The following AMOTL2 variants were observed in gnomAD, a reference collection of about 807,000 sequenced individuals.
The protein encoded by AMOTL2 is angiomotin-like protein 2.
AMOTL2 carries 33 observed loss-of-function variants against 78.4 expected under a neutral mutation model. The observed-to-expected ratio is 0.42, with a 90% CI of 0.32 to 0.56. AMOTL2 has a LOEUF of 0.56. Among genes scored for constraint, AMOTL2 ranks in the 20% least tolerant of loss-of-function variants. The probability of loss-of-function intolerance (pLI) is 0.12; values close to 1 mark genes in which losing one functional copy is unlikely to be tolerated. For synonymous variants in AMOTL2, 422 were observed against 428.8 expected, an observed-to-expected ratio of 0.98 and a Z score of 0.20; for missense variants, 983 against 1,030.1, an observed-to-expected ratio of 0.95 and a Z score of 0.63.
rs372900931 is a variant in AMOTL2, at chr3:134,359,304, C to A, written c.2083G>T (p.Ala695Ser). The change falls in exon 8 of 10, where the codon GCC becomes TCC. Residue 695 changes from alanine to serine, a missense_variant. By Grantham distance (99) the Ala-to-Ser change is moderately conservative. Transcript: ENST00000249883. ...TTACCTGTAGTCAGCCGAGCAGGGG[C>A]GTCTGCTGTTTGTCGCTCACTAGAA... ...LSSSERQTADAPARLTTADRA... is the reference protein window; with the variant it reads ...LSSSERQTADSPARLTTADRA... The A allele has an allele frequency of 1.2e-6, 2 of 1,614,188 alleles. No individual in the cohort carries two copies. Among genetic ancestry groups the A allele is most frequent in the Middle Eastern group, 1.7e-4 (1 of 6,060 alleles).
At chr3:134,373,980 T>C (rs746611345) in intron 1 of AMOTL2, 3 of 396,724 alleles carry the variant, frequency 7.6e-6, no homozygotes, top group African/African-American at 4.4e-5. Flanking sequence ...CGCAGGACCC[T>C]GCAACTTGAG....
chr3:134,364,207 C>T (rs530554681), intron 5 of AMOTL2, among the ~76,000 whole-genome samples: 17 of 151,674 alleles, frequency 1.1e-4, no homozygotes, highest in South Asian at 2.1e-4. Context: ...CGGGAGGGAG[C>T]GGCGGGGGGC....
In AMOTL2 at chr3:134,368,271, G is replaced by A. The variant is rs2017697383; in HGVS notation, c.735-468C>T. Among the ~76,000 whole-genome samples, 3 of 152,152 alleles carry A rather than the reference G, an allele frequency of 2.0e-5. No individual in the cohort carries two copies. In the South Asian group the frequency reaches 6.2e-4, roughly 32 times the overall value. On this transcript the variant is annotated intron_variant, in intron 2 of 9. Transcript: ENST00000249883. ...CCTTCCAGGCCCCAGGACAACTTTG[G>A]TGGCTGGGCCCCAGCAGCAACCTTG...
Position 134,371,438 on chromosome 3 carries a change from C to G in AMOTL2, c.-5G>C. The G allele has an allele frequency of 6.2e-7, 1 of 1,600,830 alleles. No individual in the cohort carries two copies. The highest frequency in any genetic ancestry group is 8.5e-7 in the Non-Finnish European group (1 of 1,179,746). ...GGAGTCTTCCAGTGTCCTCATGCTT[C>G]TTTGGCTTGCACACAGCTGCCTGGA... is the stretch of plus-strand genomic sequence containing the variant. On this transcript the variant is annotated 5_prime_UTR_variant, in exon 2 of 10. Coordinates refer to ENST00000249883, the MANE Select transcript of AMOTL2 (RefSeq NM_016201.4).
At chr3:134,373,830 G>A in intron 1 of AMOTL2, 16 of 985,456 alleles carry the variant, frequency 1.6e-5, no homozygotes, top group Non-Finnish European at 1.9e-5. Context: ...TGACGTCACC[G>A]GGCTGGACAG....
At chr3:134,374,533 C>T (rs1475342639), upstream of AMOTL2, 13 of 985,500 alleles carry the variant, frequency 1.3e-5, no homozygotes, top group Non-Finnish European at 1.6e-5. Flanking sequence ...TTTCAGGTTC[C>T]CCCTCGGGAT....
At chr3:134,374,145 G>A in intron 1 of AMOTL2, 197 bp downstream of exon 1, 2 of 801,182 alleles carry the variant, frequency 2.5e-6, no homozygotes, top group Non-Finnish European at 3.0e-6. Flanking sequence ...AAAGCCCAGC[G>A]CGCTGCGCTC....
In AMOTL2 at chr3:134,371,492, C is replaced by T. The variant is rs1382936787; in HGVS notation, c.-59G>A. ...TGGCCGGTGGCACCTGGCCCCAGAG[C>T]ACCTGGAGTGGGGTGGGGAGAGAGA... On this transcript the variant is annotated splice_region_variant and 5_prime_UTR_variant, in exon 2 of 10. Coordinates refer to ENST00000249883, the MANE Select transcript of AMOTL2 (RefSeq NM_016201.4). The T allele has an allele frequency of 6.3e-7, 1 of 1,587,704 alleles. No homozygotes were observed. The highest frequency in any genetic ancestry group is 1.8e-4 in the Middle Eastern group (1 of 5,692).
Position 134,358,691 on chromosome 3 carries a change from C to T in AMOTL2, c.2133G>A (p.Val711=). Residue 711 remains valine, a synonymous_variant, in exon 9 of 10, where the codon GTG becomes GTA. Transcript: ENST00000249883. ...CATGGGCAGCAGGGGGAGCTGTGAC[C>T]ACTGGCTCCTCTGTGGGTGCTCTGT... ...TADRAPTEEP[V]VTAPPAAHAK... The T allele has an allele frequency of 6.2e-7, 1 of 1,614,166 alleles. No individual in the cohort carries two copies. The highest frequency in any genetic ancestry group is 2.2e-5 in the East Asian group (1 of 44,878).
chr3:134,366,312 C>T lies in AMOTL2; in HGVS notation c.1157G>A (p.Arg386Lys), dbSNP rs2017601934. The change falls in exon 4 of 10, where the codon AGG becomes AAG. Residue 386 changes from arginine to lysine, a missense_variant. Arg to Lys is a conservative substitution (Grantham distance 26). Coordinates refer to ENST00000249883, the MANE Select transcript of AMOTL2 (RefSeq NM_016201.4). ...AAGATCCCGGTTGAAGTCTTGCAGC[C>T]TCCTCATTTCACTGTCCATCTTGTT... ...MRNKMDSEMR[R>K]LQDFNRDLRE... 6.2e-7 allele frequency: 1 copy of T among 1,614,072 alleles called. No homozygotes were observed. Among genetic ancestry groups the T allele is most frequent in the African/African-American group, 1.3e-5 (1 of 74,940 alleles).
At position 134,371,099 on chromosome 3, in the gene AMOTL2, G is replaced by A. The variant is rs2017840465; in HGVS notation, c.335C>T (p.Ala112Val). The A allele has an allele frequency of 6.2e-7, 1 of 1,612,672 alleles. No individual in the cohort carries two copies. Residue 112 changes from alanine (A) to valine (V), a missense_variant, in exon 2 of 10, where the codon GCC becomes GTC. By Grantham distance (64) the Ala-to-Val change is moderately conservative. Coordinates refer to ENST00000249883, the MANE Select transcript of AMOTL2 (RefSeq NM_016201.4). ...CTGGGCCGCATAGTACTGCGAGTGG[G>A]CTTTGGCCTCCTCATAGGTGGGCAG... ...EELPTYEEAK[A>V]HSQYYAAQQA...
intron 5 of AMOTL2, 49 bp downstream of exon 5, chr3:134,365,768 T>C (rs2017576657): frequency 6.6e-7 from 1 of 1,515,670 alleles, no homozygotes; most frequent in African/African-American, 1.4e-5. Context: ...TGTGCAGCAG[T>C]CCCATTGCCT....
At chr3:134,374,943 G>A (rs1225918371), upstream of AMOTL2, 1 of 1,334,326 alleles carries the variant, frequency 7.5e-7, no homozygotes, top group Non-Finnish European at 9.7e-7. Flanking sequence ...GTGTGTACCG[G>A]GGGAGGTGGG....
rs1365059099 is a variant in AMOTL2 at position 134,366,556 on chromosome 3, G to T, written c.1042-129C>A. On this transcript the variant is annotated intron_variant, in intron 3 of 9. Coordinates refer to ENST00000249883, the MANE Select transcript of AMOTL2 (RefSeq NM_016201.4). ...CACCAAACAGGAGCAAAACCTCCAGGTGACTATGGTGGGATGGTCAGAAGC... is the reference window on the plus strand; with the variant it reads ...CACCAAACAGGAGCAAAACCTCCAGTTGACTATGGTGGGATGGTCAGAAGC... 1.6e-5 allele frequency: 15 copies of T among 916,124 alleles called. No individual in the cohort carries two copies. The East Asian group carries it at 3.7e-4, about 23-fold the overall frequency. The allele number at this position is 916,124 out of a possible 1,614,324, so 56.7% of individuals were successfully genotyped here. A position where few individuals can be genotyped will look rare whatever the true frequency, so the allele number is the denominator to read the frequency against.
rs962403760 is a variant in AMOTL2 at position 134,359,507 on chromosome 3, A to C, written c.1884-4T>G. 4 of 1,608,820 alleles carry C rather than the reference A, an allele frequency of 2.5e-6. No homozygotes were observed. In the Middle Eastern group the frequency reaches 5.4e-4, roughly 216 times the overall value. ...CTGGGCATGGAGCACCTTTAACCTGAGGGGTGAGAGGCCATGCCCACATTG... is the reference window on the plus strand; with the variant it reads ...CTGGGCATGGAGCACCTTTAACCTGCGGGGTGAGAGGCCATGCCCACATTG... On this transcript the variant is annotated splice_region_variant and splice_polypyrimidine_tract_variant and intron_variant, in intron 7 of 9. Coordinates refer to ENST00000249883, the MANE Select transcript of AMOTL2 (RefSeq NM_016201.4).
Position 134,356,410 on chromosome 3 carries a change from A to C in AMOTL2, c.*1295T>G, listed in dbSNP as rs2107733561. On this transcript the variant is annotated 3_prime_UTR_variant, in exon 10 of 10. Transcript: ENST00000249883. The stretch of plus-strand genomic sequence containing the variant: ...TGGGGCTGAAGTGAGGGACTCTTTA[A>C]GACCAGAAGTCAAAGTCACTGCTGC... 1 of 152,686 alleles carries C rather than the reference A, an allele frequency of 6.5e-6. No homozygotes were observed. The highest frequency in any genetic ancestry group is 2.4e-5 in the African/African-American group (1 of 41,596). 9.5% of individuals were successfully genotyped at this position (152,686 alleles called of 1,614,324 possible).
rs1367829879 is a variant in AMOTL2 at position 134,370,855 on chromosome 3, G to A, written c.579C>T (p.Gly193=). The change falls in exon 2 of 10, where the codon GGC becomes GGT. Residue 193 remains glycine, a synonymous_variant. Coordinates refer to ENST00000249883, the MANE Select transcript of AMOTL2 (RefSeq NM_016201.4). ...SFPQLARNQQ[G]PPLRGPPAEG... ...CAGCAGGGGGGCCCCTCAGTGGGGG[G>A]CCCTGCTGGTTGCGGGCCAGCTGTG... The A allele has an allele frequency of 7.5e-6, 12 of 1,605,150 alleles. No homozygotes were observed. The highest frequency in any genetic ancestry group is 9.4e-6 in the Non-Finnish European group (11 of 1,174,278).
Position 134,372,988 on chromosome 3 carries a change from G to C in AMOTL2, c.-62+1354C>G, listed in dbSNP as rs541164564. The stretch of plus-strand genomic sequence containing the variant: ...TGGCCCCTCCTCTGCCACTAAACTA[G>C]CCCTAGTGTCCTGCTTCAGTTTGGG... On this transcript the variant is annotated intron_variant, in intron 1 of 9. Transcript: ENST00000249883. 2.0e-5 allele frequency among the ~76,000 whole-genome samples: 3 copies of C among 152,252 alleles called. No homozygotes were observed. The East Asian group carries it at 5.8e-4, about 29-fold the overall frequency.
rs776058189 is a variant in AMOTL2 at position 134,367,754 on chromosome 3, ACTG to A, written c.781_783del (p.Gln261del). 3 of 1,613,610 alleles carry A rather than the reference ACTG, an allele frequency of 1.9e-6. No individual in the cohort carries two copies. Among genetic ancestry groups the A allele is most frequent in the Non-Finnish European group, 8.5e-7 (1 of 1,179,996 alleles). On this transcript the variant is annotated inframe_deletion, in exon 3 of 10. Transcript: ENST00000249883. ...TCCTGAGATTGCTGCAGGTACTGGTACTGCTGCTGCTGTTGGAGGAACACAGGA... is the reference window on the plus strand; with the variant it reads ...TCCTGAGATTGCTGCAGGTACTGGTACTGCTGCTGTTGGAGGAACACAGGA...
Sources: gnomAD v4.1 joint callset for allele counts (sites outside exome capture counted in the v4.1 genomes callset) on GRCh38, gnomAD v4.1.1 for gene constraint, MANE v1.5 for transcripts, NCBI Gene and HGNC (gene_info 2026-07-23, HGNC 2026-07-21) for gene names.